Variants in FAT3 observed in about 807,000 individuals in gnomAD.
FAT3 encodes FAT atypical cadherin 3.
In FAT3, 95 loss-of-function variants were observed where a neutral mutation model predicts 310.2. The ratio of observed to expected loss-of-function variants is 0.31; its 90% CI spans 0.26 to 0.36. The LOEUF (loss-of-function observed/expected upper bound fraction) is 0.36, where lower values mean the gene tolerates loss of function less well. Ranked by LOEUF, FAT3 falls within the 10% of genes least tolerant of loss-of-function variation. The probability of loss-of-function intolerance (pLI) is 1.00; values close to 1 mark genes in which losing one functional copy is unlikely to be tolerated. For synonymous variants in FAT3, 2,314 were observed against 2,192.9 expected (o/e 1.06, Z -1.54); for missense variants, 5,408 against 5,715.6 (o/e 0.95, Z 1.74).
chr11:92,231,549 G>C (rs1187565544), intron 1 of FAT3, among the ~76,000 whole-genome samples: 2 of 152,102 alleles, frequency 1.3e-5, no homozygotes, highest in Admixed American at 1.3e-4. Flanking sequence ...AAGTTTAATT[G>C]TAACTTCAGG....
At chr11:92,671,844 G>A (rs1227885718) in intron 3 of FAT3, among the ~76,000 whole-genome samples, 1 of 152,168 alleles carries the variant, frequency 6.6e-6, no homozygotes, top group East Asian at 1.9e-4. Context: ...AGTGGCTTAC[G>A]CCTGTAATCC....
At chr11:92,652,167 G>A (rs1480280960) in intron 3 of FAT3, among the ~76,000 whole-genome samples, 1 of 152,088 alleles carries the variant, frequency 6.6e-6, no homozygotes, top group Non-Finnish European at 1.5e-5. Flanking sequence ...TGCAGTCGTG[G>A]GATGTAACCA....
intron 4 of FAT3, among the ~76,000 whole-genome samples, chr11:92,708,378 G>A (rs1259574606): frequency 1.3e-5 from 2 of 152,164 alleles, no homozygotes; most frequent in African/African-American, 4.8e-5. Context: ...AGATAGAGAT[G>A]GTTAATGCAC....
chr11:92,588,741 A>G lies in FAT3; in HGVS notation c.3607+63793A>G, dbSNP rs145384193. Reference sequence around the variant, plus strand: ...GTGGAGAGAAGGTAGCCAAAGATCTACAAAAAAGCAAATAGTATGTGACAC... The same window carrying G: ...GTGGAGAGAAGGTAGCCAAAGATCTGCAAAAAAGCAAATAGTATGTGACAC... On this transcript the variant is annotated intron_variant, in intron 3 of 27. Coordinates refer to ENST00000525166, the MANE Select transcript of FAT3 (RefSeq NM_001367949.2). 1.2e-3 allele frequency among the ~76,000 whole-genome samples: 186 copies of G among 149,348 alleles called. 3 individuals are homozygous for G. Among genetic ancestry groups the G allele is most frequent in the African/African-American group, 4.5e-3 (180 of 39,750 alleles).
intron 2 of FAT3, among the ~76,000 whole-genome samples, chr11:92,477,750 T>G (rs905575022): frequency 5.3e-5 from 8 of 152,248 alleles, no homozygotes; most frequent in African/African-American, 1.9e-4. Flanking sequence ...TATCTAAGGT[T>G]GAATGTATTC....
chr11:92,814,304 T>G (rs1374806726), intron 13 of FAT3, among the ~76,000 whole-genome samples: 1 of 152,246 alleles, frequency 6.6e-6, no homozygotes, highest in African/African-American at 2.4e-5. Context: ...TTGCTAAACC[T>G]TCATATCCTG....
At chr11:92,863,374 C>T (rs1196104041) in intron 21 of FAT3, among the ~76,000 whole-genome samples, 2 of 152,122 alleles carry the variant, frequency 1.3e-5, no homozygotes, top group Non-Finnish European at 2.9e-5. Flanking sequence ...AGACTTCATG[C>T]CATAATTTAC....
intron 22 of FAT3, among the ~76,000 whole-genome samples, chr11:92,873,594 C>G (rs1272155753): frequency 6.6e-6 from 1 of 152,150 alleles, no homozygotes; most frequent in African/African-American, 2.4e-5. Context: ...TGATTATTTG[C>G]CTACACAGCC....
In FAT3 at chr11:92,762,165, C is replaced by G. The variant is rs2136086680; in HGVS notation, c.3979C>G (p.Leu1327Val). Residue 1327 changes from leucine to valine, a missense_variant, in exon 5 of 28, where the codon CTA becomes GTA. Leu to Val is a conservative substitution (Grantham distance 32). Transcript: ENST00000525166. The stretch of plus-strand genomic sequence containing the variant: ...GTTTACAGCAGGCAGTTATGACATC[C>G]TAACGGTAAGATCTTCCAAACTCCA... ...KQFTAGSYDI[L>V]TIKAVDNGRP... is the part of the protein sequence containing the mutation. The G allele has an allele frequency of 6.2e-7, 1 of 1,608,368 alleles. No individual in the cohort carries two copies. The highest frequency in any genetic ancestry group is 8.5e-7 in the Non-Finnish European group (1 of 1,176,474).
intron 2 of FAT3, among the ~76,000 whole-genome samples, chr11:92,377,942 T>C (rs1949389803): frequency 6.6e-6 from 1 of 152,194 alleles, no homozygotes; most frequent in Non-Finnish European, 1.5e-5. Context: ...TCTTTGTTCT[T>C]TTGTGGTTCA....
chr11:92,879,307 A>G (rs1949618268), intron 22 of FAT3, among the ~76,000 whole-genome samples: 1 of 152,176 alleles, frequency 6.6e-6, no homozygotes, highest in Non-Finnish European at 1.5e-5. Context: ...CAGGTGATAC[A>G]GGAATCACCA....
intron 3 of FAT3, among the ~76,000 whole-genome samples, chr11:92,584,893 C>T (rs936457252): frequency 6.6e-6 from 1 of 151,818 alleles, no homozygotes; most frequent in Admixed American, 6.6e-5. Flanking sequence ...AGCTGGAGGG[C>T]AGTATTTTGC....
intron 1 of FAT3, among the ~76,000 whole-genome samples, chr11:92,314,074 T>C (rs893287308): frequency 6.6e-6 from 1 of 152,224 alleles, no homozygotes; most frequent in African/African-American, 2.4e-5. Flanking sequence ...TCCTACTGTA[T>C]ATTTTTTCAA....
intron 3 of FAT3, among the ~76,000 whole-genome samples, chr11:92,668,428 A>G (rs1943023761): frequency 2.6e-5 from 4 of 152,324 alleles, no homozygotes; most frequent in South Asian, 2.1e-4. Context: ...TATTTCTCCA[A>G]TAATCCAGAT....
intron 2 of FAT3, among the ~76,000 whole-genome samples, chr11:92,422,184 ATGACCAG>A (rs1394118965): frequency 6.6e-6 from 1 of 152,080 alleles, no homozygotes; most frequent in Non-Finnish European, 1.5e-5. Flanking sequence ...TCTCCTTCCA[ATGACCAG>A]TGAGAAAGAC....
chr11:92,399,907 G>A (rs1949971372), intron 2 of FAT3, among the ~76,000 whole-genome samples: 1 of 152,184 alleles, frequency 6.6e-6, no homozygotes, highest in African/African-American at 2.4e-5. Context: ...TGGCCAACAG[G>A]AGGTGCAATA....
rs34317439 is a variant in FAT3, at chr11:92,756,916, A to ATTT, written c.3670-4916_3670-4914dup. Among the ~76,000 whole-genome samples the ATTT allele has an allele frequency of 4.0e-3, 359 of 90,284 alleles. 43 individuals are homozygous for ATTT. The highest frequency in any genetic ancestry group is 0.014 in the African/African-American group (291 of 20,850). 59.2% of individuals were successfully genotyped at this position (90,284 alleles called of 152,430 possible). On this transcript the variant is annotated intron_variant, in intron 4 of 27. Coordinates refer to ENST00000525166, the MANE Select transcript of FAT3 (RefSeq NM_001367949.2). ...AGACCAATGAACTATTTGTGGCTCCATTTTTTTTTTTTTTTTTTTTTTTTT... is the reference window on the plus strand; with the variant it reads ...AGACCAATGAACTATTTGTGGCTCCATTTTTTTTTTTTTTTTTTTTTTTTTTTT...
At chr11:92,780,519 C>A (rs2408870) in intron 7 of FAT3, among the ~76,000 whole-genome samples, 115,686 of 152,068 alleles carry the variant, frequency 0.76, 45,128 homozygotes, top group Non-Finnish European at 0.84. Flanking sequence ...CTGTCATGCC[C>A]GTTTTACAGA....
At chr11:92,461,907 G>A (rs566177334) in intron 2 of FAT3, among the ~76,000 whole-genome samples, 1 of 152,280 alleles carries the variant, frequency 6.6e-6, no homozygotes, top group African/African-American at 2.4e-5. Context: ...CAAATGCTTT[G>A]TTATATGTTT....
Sources: gnomAD v4.1 joint callset for allele counts (sites outside exome capture counted in the v4.1 genomes callset) on GRCh38, gnomAD v4.1.1 for gene constraint, MANE v1.5 for transcripts, NCBI Gene and HGNC (gene_info 2026-07-23, HGNC 2026-07-21) for gene names.